The following PCDHGB6 variants were observed in gnomAD, a reference collection of about 807,000 sequenced individuals.
PCDHGB6 encodes protocadherin gamma subfamily B, 6.
A neutral mutation model predicts 59.1 loss-of-function variants in PCDHGB6; 51 were observed. The observed-to-expected ratio is 0.86, with a 90% confidence interval of 0.69 to 1.09. The LOEUF (loss-of-function observed/expected upper bound fraction) is 1.09. Among genes scored for constraint, PCDHGB6 ranks in the 50% least tolerant of loss-of-function variants. PCDHGB6 has a pLI of 0.00. For synonymous variants in PCDHGB6, 466 were observed against 495.1 expected (o/e 0.94, Z 0.78); for missense variants, 1,148 against 1,205.1 (o/e 0.95, Z 0.70).
At chr5:141,426,922 T>C in intron 1 of PCDHGB6, 1 of 456,720 alleles carries the variant, frequency 2.2e-6, no homozygotes, top group Non-Finnish European at 4.4e-6. Flanking sequence ...CTGGAAGCAA[T>C]GGACATGGGT....
In PCDHGB6 at chr5:141,491,250, C is replaced by T. The variant is rs1328621598; in HGVS notation, c.2419-3557C>T. The T allele has an allele frequency of 6.2e-7, 1 of 1,614,148 alleles. No individual in the cohort carries two copies. Among genetic ancestry groups the T allele is most frequent in the South Asian group, 1.1e-5 (1 of 91,092 alleles). ...TGCTGCTGGTTCTGGAGGATGAGGA[C>T]CCTGAGGAAATGCCCAAATCCAGTG... On this transcript the variant is annotated intron_variant, in intron 1 of 3. Transcript: ENST00000520790. The surrounding 1 kb of genome is among the most constrained non-coding windows in gnomAD (Gnocchi z 6.9).
At position 141,511,130 on chromosome 5, in the gene PCDHGB6, G is replaced by A. The variant is rs777082914; in HGVS notation, c.2750G>A (p.Gly917Asp). ...GKRDGKAPAG[G>D]NGNKKKSGKK... ...CGGGATGGCAAGGCCCCAGCAGGTG[G>A]CAATGGCAACAAGAAGAAGTCGGGC... The change falls in exon 4 of 4, where the codon GGC (glycine) becomes GAC (aspartate). Residue 917 changes from glycine (G) to aspartate (D), a missense_variant. Coordinates refer to ENST00000520790, the MANE Select transcript of PCDHGB6 (RefSeq NM_018926.3). 6.2e-7 allele frequency: 1 copy of A among 1,614,210 alleles called. No homozygotes were observed. The highest frequency in any genetic ancestry group is 1.1e-5 in the South Asian group (1 of 91,090).
chr5:141,503,221 C>A (rs528636727), intron 2 of PCDHGB6, among the ~76,000 whole-genome samples: 2 of 151,956 alleles, frequency 1.3e-5, no homozygotes, highest in Non-Finnish European at 2.9e-5. Context: ...CCATGAGCAC[C>A]GTAAAGATGG....
intron 1 of PCDHGB6, among the ~76,000 whole-genome samples, chr5:141,459,059 A>G (rs1219921155): frequency 2.6e-5 from 4 of 152,228 alleles, no homozygotes; most frequent in African/African-American, 4.8e-5. Context: ...AGTATAATTT[A>G]TATAACATAA....
intron 1 of PCDHGB6, chr5:141,423,481 C>G: frequency 6.2e-7 from 1 of 1,613,908 alleles, no homozygotes; most frequent in South Asian, 1.1e-5. Context: ...GGCTTTCCTG[C>G]AAACCTATTC....
chr5:141,426,998 A>C (rs981827933), intron 1 of PCDHGB6: 8 of 456,664 alleles, frequency 1.8e-5, no homozygotes, highest in African/African-American at 1.6e-4. Flanking sequence ...ATAATGCCCC[A>C]GTTTTTAGCC....
intron 1 of PCDHGB6, among the ~76,000 whole-genome samples, chr5:141,434,452 G>T (rs2097695209): frequency 6.6e-6 from 1 of 152,334 alleles, no homozygotes; most frequent in African/African-American, 2.4e-5. Flanking sequence ...CTGGAAGGTA[G>T]TGGGTTTACC....
chr5:141,455,905 T>TTATG (rs2098836561), intron 1 of PCDHGB6, among the ~76,000 whole-genome samples: 1 of 148,340 alleles, frequency 6.7e-6, no homozygotes, highest in Admixed American at 6.7e-5. Flanking sequence ...ATTTATTTAT[T>TTATG]TATTTATTTT....
At position 141,415,070 on chromosome 5, in the gene PCDHGB6, C is replaced by G. The variant is rs538474552; in HGVS notation, c.2418+4450C>G. ...GGGGAGCACACGGGCGAGGTGCGCACGGCGCGAGCCCTGCTGGACAGAGAC... is the reference window on the plus strand; with the variant it reads ...GGGGAGCACACGGGCGAGGTGCGCAGGGCGCGAGCCCTGCTGGACAGAGAC... On this transcript the variant is annotated intron_variant, in intron 1 of 3. Coordinates refer to ENST00000520790, the MANE Select transcript of PCDHGB6 (RefSeq NM_018926.3). 26 of 1,613,284 alleles carry G rather than the reference C, an allele frequency of 1.6e-5. No homozygotes were observed. The Middle Eastern group carries it at 1.5e-3, about 92-fold the overall frequency.
chr5:141,510,916 G>C (rs1044988697), intron 3 of PCDHGB6, 31 bp from the exon 4 acceptor site: 2 of 1,613,714 alleles, frequency 1.2e-6, no homozygotes, highest in African/African-American at 1.3e-5. Flanking sequence ...CCTAAGTTTA[G>C]CTCCCACCTG....
Position 141,422,522 on chromosome 5 carries a change from C to T in PCDHGB6, c.2418+11902C>T, listed in dbSNP as rs767482856. On this transcript the variant is annotated intron_variant, in intron 1 of 3. Coordinates refer to ENST00000520790, the MANE Select transcript of PCDHGB6 (RefSeq NM_018926.3). Reference sequence around the variant, plus strand: ...ACAGCCACAGACCAGGGAAGCCCGCCTTTGTCTGCAGAAACTCATGTCTGG... The same window carrying T: ...ACAGCCACAGACCAGGGAAGCCCGCTTTTGTCTGCAGAAACTCATGTCTGG... 11 of 1,614,014 alleles carry T rather than the reference C, an allele frequency of 6.8e-6. No homozygotes were observed. In the South Asian group the frequency reaches 1.1e-4, roughly 16 times the overall value.
At position 141,444,152 on chromosome 5, in the gene PCDHGB6, A is replaced by ATT. The variant is rs747671382; in HGVS notation, c.2418+33567_2418+33568dup. ...GATATGTGTCACTTGTGTGTACTGG[A>ATT]TTTTTTTTTTTTTTTTTTTTTTTTT... On this transcript the variant is annotated intron_variant, in intron 1 of 3. Coordinates refer to ENST00000520790, the MANE Select transcript of PCDHGB6 (RefSeq NM_018926.3). Among the ~76,000 whole-genome samples, 286 of 33,894 alleles carry ATT rather than the reference A, an allele frequency of 8.4e-3. 107 individuals carry two copies. The highest frequency in any genetic ancestry group is 0.011 in the African/African-American group (76 of 7,180). The allele number at this position is 33,894 out of a possible 152,430, so 22.2% of individuals were successfully genotyped here. A position where few individuals can be genotyped will look rare whatever the true frequency, so the allele number is the denominator to read the frequency against.
chr5:141,422,828 T>C (rs1273420440), intron 1 of PCDHGB6: 2 of 1,614,232 alleles, frequency 1.2e-6, no homozygotes, highest in East Asian at 4.5e-5. Context: ...CTGAGAGTGA[T>C]AGCACGTGAC....
In PCDHGB6 at chr5:141,408,239, C is replaced by A; in HGVS notation, c.37C>A (p.Pro13Thr). The change falls in exon 1 of 4, where the codon CCG becomes ACG. Residue 13 changes from proline (P) to threonine (T), a missense_variant. Transcript: ENST00000520790. ...CTGCGCGCAGAGGCGCCGGGCCGGC[C>A]CGCGGCAGGTGCTATTTCCTTTGCT... ...GSCAQRRRAG[P>T]RQVLFPLLLP... 1.3e-6 allele frequency: 2 copies of A among 1,577,720 alleles called. No homozygotes were observed. The highest frequency in any genetic ancestry group is 2.3e-5 in the South Asian group (2 of 87,424).
intron 1 of PCDHGB6, chr5:141,440,542 C>T (rs1448576873): frequency 6.6e-6 from 1 of 152,206 alleles, no homozygotes; most frequent in Non-Finnish European, 1.5e-5. Context: ...CACGGTTCAG[C>T]AGGAATGTTA....
At chr5:141,421,774 C>G (rs767599830) in intron 1 of PCDHGB6, 27 of 1,613,772 alleles carry the variant, frequency 1.7e-5, no homozygotes, top group Middle Eastern at 1.6e-4. Context: ...TTCCTTGCAA[C>G]TGCGGGGCAG....
At chr5:141,428,313 C>T in intron 1 of PCDHGB6, 1 of 671,482 alleles carries the variant, frequency 1.5e-6, no homozygotes, top group Non-Finnish European at 2.6e-6. Context: ...TGGTCGTGGC[C>T]TTGGCCTTGA....
chr5:141,495,000 G>A lies in PCDHGB6; in HGVS notation c.2477+135G>A, dbSNP rs191756104. ...AGTTTGAGATCCCAGGGAGGTCTTG[G>A]TGTGCGGGGGGCTGGCACACAGACC... On this transcript the variant is annotated intron_variant, in intron 2 of 3. Transcript: ENST00000520790. 1.3e-4 allele frequency: 202 copies of A among 1,531,656 alleles called. 2 individuals carry two copies. The African/African-American group carries it at 2.4e-3, about 19-fold the overall frequency. The allele number at this position is 1,531,656 out of a possible 1,614,324, so 94.9% of individuals were successfully genotyped here. A position where few individuals can be genotyped will look rare whatever the true frequency, so the allele number is the denominator to read the frequency against.
Position 141,489,576 on chromosome 5 carries a change from C to G in PCDHGB6, c.2419-5231C>G. 6.2e-7 allele frequency: 1 copy of G among 1,614,054 alleles called. No individual in the cohort carries two copies. Among genetic ancestry groups the G allele is most frequent in the Non-Finnish European group, 8.5e-7 (1 of 1,179,976 alleles). On this transcript the variant is annotated intron_variant, in intron 1 of 3. Coordinates refer to ENST00000520790, the MANE Select transcript of PCDHGB6 (RefSeq NM_018926.3). This position sits in a 1 kb window ranked among gnomAD's most constrained non-coding sequence, Gnocchi z 4.5. ...TGCCAGTGCAGGTGGTGACTGAACA[C>G]CCCCTGGAGCTAATCCGTGTAGAGG...
Sources: allele counts gnomAD v4.1 joint callset (sites outside exome capture counted in the v4.1 genomes callset), GRCh38; gene constraint gnomAD v4.1.1; non-coding constraint Gnocchi (gnomAD v3.1); transcripts MANE v1.5; gene names NCBI Gene and HGNC (gene_info 2026-07-23, HGNC 2026-07-21).